The following RSPH14 variants were observed in gnomAD, a reference collection of about 807,000 sequenced individuals.
The protein encoded by RSPH14 is rhabdoid tumor deletion region gene 1.
In RSPH14, 20 loss-of-function variants were observed where a neutral mutation model predicts 26.7. The ratio of observed to expected loss-of-function variants is 0.75; its 90% CI spans 0.53 to 1.09. The LOEUF (loss-of-function observed/expected upper bound fraction) is 1.09. RSPH14 is among the 50% of genes least tolerant of loss of function. The probability of loss-of-function intolerance (pLI) is 0.00; values close to 1 mark genes in which losing one functional copy is unlikely to be tolerated. For synonymous variants in RSPH14, 177 were observed against 189.3 expected (o/e 0.93, Z 0.53); for missense variants, 449 against 457.2 (o/e 0.98, Z 0.16).
chr22:23,130,076 AAAG>A (rs1569192388), intron 4 of RSPH14, among the ~76,000 whole-genome samples: 2 of 31,262 alleles, frequency 6.4e-5, no homozygotes, highest in East Asian at 4.8e-4. Context: ...AGAAAGAAAG[AAAG>A]AAAGGAAGAA....
the RSPH14 span, chr22:23,158,114 C>G: frequency 6.3e-7 from 1 of 1,594,584 alleles, no homozygotes; most frequent in Middle Eastern, 1.7e-4. Flanking sequence ...CTCCCAGACC[C>G]TGGCCAGTGG....
intron 3 of RSPH14, chr22:23,136,147 T>G (rs2146445895): frequency 3.1e-6 from 2 of 655,470 alleles, no homozygotes; most frequent in East Asian, 2.7e-5. Context: ...TCTCTCATGC[T>G]TTGATAGTCA....
At chr22:23,102,609 A>C (rs885962) in intron 4 of RSPH14, among the ~76,000 whole-genome samples, 37,035 of 152,154 alleles carry the variant, frequency 0.24, 4,777 homozygotes, top group East Asian at 0.35. Context: ...GGCTGCCCCC[A>C]CACCTGCTCT....
At chr22:23,146,123 C>T (rs2070756766), upstream of RSPH14, 2 of 602,484 alleles carry the variant, frequency 3.3e-6, no homozygotes, top group African/African-American at 2.0e-5. Flanking sequence ...AGGCCTGGTT[C>T]CCCCATACCA....
the RSPH14 span, chr22:23,153,060 C>T: frequency 1.2e-6 from 2 of 1,613,964 alleles, no homozygotes; most frequent in East Asian, 2.2e-5. Context: ...TTGATCGAGA[C>T]TACAAGGCCA....
intron 4 of RSPH14, 47 bp downstream of exon 4, chr22:23,133,979 G>A (rs774259305): frequency 1.1e-5 from 16 of 1,406,708 alleles, no homozygotes; most frequent in Admixed American, 6.7e-5. Flanking sequence ...GGAGACCGAC[G>A]GACAACTTGA....
intron 4 of RSPH14, among the ~76,000 whole-genome samples, chr22:23,086,777 C>G (rs1054454792): frequency 1.3e-5 from 2 of 152,220 alleles, no homozygotes; most frequent in African/African-American, 2.4e-5. Flanking sequence ...TCTGTGGAGC[C>G]CACTTCCCAC....
the RSPH14 span, chr22:23,162,714 G>A: frequency 3.5e-5 from 16 of 456,188 alleles, no homozygotes; most frequent in South Asian, 1.4e-4. Context: ...CACCCGTCTC[G>A]TGCTGTTGCT....
chr22:23,172,678 G>A, the RSPH14 span, among the ~76,000 whole-genome samples: 3 of 147,898 alleles, frequency 2.0e-5, no homozygotes, highest in Non-Finnish European at 3.0e-5. Flanking sequence ...GACTGGGCAC[G>A]GTGGCTCACA....
At chr22:23,105,576 A>T (rs1372714760) in intron 4 of RSPH14, among the ~76,000 whole-genome samples, 1 of 152,200 alleles carries the variant, frequency 6.6e-6, no homozygotes, top group Admixed American at 6.5e-5. Context: ...CAAACCAGGC[A>T]AGGGTGTCGG....
chr22:23,168,992 T>C, the RSPH14 span, among the ~76,000 whole-genome samples: 1 of 152,156 alleles, frequency 6.6e-6, no homozygotes, highest in African/African-American at 2.4e-5. Context: ...GGGAACGAGC[T>C]CATCTTGTCC....
At chr22:23,159,569 A>G in the RSPH14 span, among the ~76,000 whole-genome samples, 1 of 152,218 alleles carries the variant, frequency 6.6e-6, no homozygotes, top group African/African-American at 2.4e-5. Flanking sequence ...TAACTACCCC[A>G]TAACTACTCA....
chr22:23,059,712 T>C lies in RSPH14; in HGVS notation c.797A>G (p.Tyr266Cys), dbSNP rs978606616. The change falls in exon 7 of 7, where the codon TAT (tyrosine) becomes TGT (cysteine). Residue 266 changes from tyrosine to cysteine, a missense_variant. Tyr to Cys is a radical substitution (Grantham distance 194). Coordinates refer to ENST00000216036, the MANE Select transcript of RSPH14 (RefSeq NM_014433.3). Reference sequence around the variant, plus strand: ...GATGGCTTGTGCCTCCAGGGCCGCATACTTCCCTGCAGGCCACCAACACAA... The same window carrying C: ...GATGGCTTGTGCCTCCAGGGCCGCACACTTCCCTGCAGGCCACCAACACAA... ...MFATVITEGKYAALEAQAIGL... is the reference protein window; with the variant it reads ...MFATVITEGKCAALEAQAIGL... 2.6e-6 allele frequency: 4 copies of C among 1,525,572 alleles called. No homozygotes were observed. In the African/African-American group the frequency reaches 4.2e-5, roughly 16 times the overall value. The allele number at this position is 1,525,572 out of a possible 1,614,324, so 94.5% of individuals were successfully genotyped here.
At chr22:23,136,454 G>T in intron 3 of RSPH14, 2 of 508,228 alleles carry the variant, frequency 3.9e-6, no homozygotes, top group Non-Finnish European at 3.7e-6. Flanking sequence ...TTAGAAGTTG[G>T]CCACATTTCT....
chr22:23,164,866 G>A, the RSPH14 span, among the ~76,000 whole-genome samples: 778 of 152,088 alleles, frequency 5.1e-3, 7 homozygotes, highest in African/African-American at 0.018. Context: ...GGGTGCTCTC[G>A]CTCTGGCTTT....
chr22:23,138,475 T>G (rs891018277), intron 3 of RSPH14, among the ~76,000 whole-genome samples: 2 of 151,948 alleles, frequency 1.3e-5, no homozygotes, highest in Non-Finnish European at 2.9e-5. Context: ...GCACAAGAAT[T>G]GCTTGAACCC....
chr22:23,123,518 C>A, intron 4 of RSPH14: 1 of 803,450 alleles, frequency 1.2e-6, no homozygotes, highest in Non-Finnish European at 2.0e-6. Flanking sequence ...AATCCAGGGG[C>A]AGAAAACAGG....
At chr22:23,145,507 G>T, upstream of RSPH14, 1 of 1,605,976 alleles carries the variant, frequency 6.2e-7, no homozygotes. Flanking sequence ...CGCTGGCTCA[G>T]GCGGACCAGG....
the RSPH14 span, chr22:23,155,956 C>T: frequency 3.7e-6 from 6 of 1,606,148 alleles, no homozygotes; most frequent in Admixed American, 1.0e-4. Flanking sequence ...TTCTTTCTCA[C>T]CCACCTCACA....
Sources: allele counts gnomAD v4.1 joint callset (sites outside exome capture counted in the v4.1 genomes callset), GRCh38; gene constraint gnomAD v4.1.1; transcripts MANE v1.5; gene names NCBI Gene and HGNC (gene_info 2026-07-23, HGNC 2026-07-21).